Variants in TTC7B observed in about 807,000 individuals in gnomAD.
The protein encoded by TTC7B is tetratricopeptide repeat domain 7B, also known as tetratricopeptide repeat protein 7B.
In TTC7B, 28 loss-of-function variants were observed where a neutral mutation model predicts 106.8. The ratio of observed to expected loss-of-function variants is 0.26; its 90% confidence interval spans 0.19 to 0.36. TTC7B has a LOEUF of 0.36. TTC7B is among the 10% of genes least tolerant of loss of function. TTC7B has a pLI of 1.00. For missense variants in TTC7B, 862 were observed against 1,076.4 expected (o/e 0.80, Z 2.79); for synonymous variants, 405 against 430.6 (o/e 0.94, Z 0.74).
Position 90,652,838 on chromosome 14 carries a change from C to T in TTC7B, c.1517+3G>A. 2 of 1,614,188 alleles carry T rather than the reference C, an allele frequency of 1.2e-6. No individual in the cohort carries two copies. Among genetic ancestry groups the T allele is most frequent in the South Asian group, 2.2e-5 (2 of 91,082 alleles). On this transcript the variant is annotated splice_donor_region_variant and intron_variant, in intron 13 of 19. Transcript: ENST00000328459. ...CCGAGTGAAAAGATGAACTCCCACTCACCTCTGAAATGCAAGAAGCGCCTT... is the reference window on the plus strand; with the variant it reads ...CCGAGTGAAAAGATGAACTCCCACTTACCTCTGAAATGCAAGAAGCGCCTT...
intron 16 of TTC7B, among the ~76,000 whole-genome samples, chr14:90,616,750 G>A (rs1893095821): frequency 6.6e-6 from 1 of 152,110 alleles, no homozygotes; most frequent in Admixed American, 6.5e-5. Flanking sequence ...TCTCTGTTCT[G>A]CTGCCTCCGT....
chr14:90,630,391 G>T (rs1162379881), intron 15 of TTC7B, among the ~76,000 whole-genome samples: 1 of 152,106 alleles, frequency 6.6e-6, no homozygotes, highest in East Asian at 1.9e-4. Context: ...AGAGCAGAAG[G>T]GTCCCTTGTC....
At chr14:90,720,543 T>C (rs1017145314) in intron 5 of TTC7B, among the ~76,000 whole-genome samples, 1 of 152,136 alleles carries the variant, frequency 6.6e-6, no homozygotes, top group African/African-American at 2.4e-5. Context: ...CCACATGGTG[T>C]GTTCCTGCAG....
At chr14:90,618,876 C>G (rs1421785290) in intron 15 of TTC7B, among the ~76,000 whole-genome samples, 1 of 152,210 alleles carries the variant, frequency 6.6e-6, no homozygotes, top group Admixed American at 6.5e-5. Context: ...CTTACCCGCT[C>G]TCACACATCT....
chr14:90,637,491 G>T (rs1486773400), intron 15 of TTC7B, among the ~76,000 whole-genome samples: 1 of 151,902 alleles, frequency 6.6e-6, no homozygotes, highest in Non-Finnish European at 1.5e-5. Context: ...CATGCAAAAA[G>T]AAAAAGTACT....
intron 16 of TTC7B, among the ~76,000 whole-genome samples, chr14:90,615,417 C>T (rs1893029380): frequency 6.6e-6 from 1 of 152,218 alleles, no homozygotes; most frequent in African/African-American, 2.4e-5. Context: ...AGCAAGGAAG[C>T]CGGGAAGTCA....
intron 5 of TTC7B, among the ~76,000 whole-genome samples, chr14:90,701,418 T>A (rs1430813068): frequency 6.6e-6 from 1 of 151,744 alleles, no homozygotes; most frequent in Non-Finnish European, 1.5e-5. Flanking sequence ...GAGAGTGGCT[T>A]CTTGGAGTTC....
At position 90,647,217 on chromosome 14, in the gene TTC7B, G is replaced by C. The variant is rs149770049; in HGVS notation, c.1518-194C>G. ...CATTTCCCTCTTACCACTGTATAAA[G>C]GTACAGAATAGGAGTGCATTTCTGT... On this transcript the variant is annotated intron_variant, in intron 13 of 19. Coordinates refer to ENST00000328459, the MANE Select transcript of TTC7B (RefSeq NM_001010854.2). The C allele has an allele frequency of 1.4e-5, 8 of 571,172 alleles. No homozygotes were observed. The East Asian group carries it at 2.4e-4, about 17-fold the overall frequency. The allele number at this position is 571,172 out of a possible 1,614,324, so 35.4% of individuals were successfully genotyped here.
chr14:90,790,421 C>CA (rs1344504951), intron 1 of TTC7B, among the ~76,000 whole-genome samples: 5 of 151,798 alleles, frequency 3.3e-5, no homozygotes, highest in South Asian at 2.1e-4. Context: ...TTTTAAATTC[C>CA]AAAAAACAAA....
rs2031191491 is a variant in TTC7B, at chr14:90,816,353, G to A, written c.-58C>T. 14 of 925,982 alleles carry A rather than the reference G, an allele frequency of 1.5e-5. No homozygotes were observed. The highest frequency in any genetic ancestry group is 1.8e-5 in the Non-Finnish European group (14 of 779,098). 57.4% of individuals were successfully genotyped at this position (925,982 alleles called of 1,614,324 possible). A position where few individuals can be genotyped will look rare whatever the true frequency, so the allele number is the denominator to read the frequency against. On this transcript the variant is annotated 5_prime_UTR_variant, in exon 1 of 20. Transcript: ENST00000328459. ...CAGGCCCCACCGCCGCCGCCGCGGC[G>A]CCCCCTCGCCGCCTCCCGCCGCCGC... is the stretch of plus-strand genomic sequence containing the variant.
chr14:90,744,688 A>G (rs1889892341), intron 4 of TTC7B, 104 bp downstream of exon 4: 11 of 1,218,382 alleles, frequency 9.0e-6, no homozygotes, highest in Non-Finnish European at 1.3e-5. Flanking sequence ...AGCTTTGCAC[A>G]CAGAGACAGA....
intron 19 of TTC7B, among the ~76,000 whole-genome samples, chr14:90,552,538 A>G (rs1033084288): frequency 6.6e-6 from 1 of 152,142 alleles, no homozygotes; most frequent in Non-Finnish European, 1.5e-5. Flanking sequence ...GCCCACCCCC[A>G]GGCTCTCAGG....
intron 13 of TTC7B, among the ~76,000 whole-genome samples, chr14:90,649,378 G>C (rs976360827): frequency 6.6e-6 from 1 of 152,174 alleles, no homozygotes; most frequent in Non-Finnish European, 1.5e-5. Context: ...TTCCCGTGGA[G>C]CAACTTCAGC....
chr14:90,744,152 T>A (rs1889870957), intron 4 of TTC7B, among the ~76,000 whole-genome samples: 1 of 152,064 alleles, frequency 6.6e-6, no homozygotes, highest in South Asian at 2.1e-4. Flanking sequence ...TGGCACAGAG[T>A]CCATACAAGT....
intron 9 of TTC7B, among the ~76,000 whole-genome samples, chr14:90,667,415 G>A (rs1246684139): frequency 6.6e-6 from 1 of 152,132 alleles, no homozygotes; most frequent in African/African-American, 2.4e-5. Flanking sequence ...CTTGCTTTTA[G>A]AGCCCAAAAG....
In TTC7B at chr14:90,569,231, C is replaced by A. The variant is rs528084784; in HGVS notation, c.2310+8875G>T. Among the ~76,000 whole-genome samples, 303 of 152,284 alleles carry A rather than the reference C, an allele frequency of 2.0e-3. 3 individuals carry two copies. Among genetic ancestry groups the A allele is most frequent in the African/African-American group, 7.0e-3 (290 of 41,556 alleles). On this transcript the variant is annotated intron_variant, in intron 19 of 19. Transcript: ENST00000328459. ...GTGCTGTGGAAAGCAGGGGAGGCTG[C>A]TTTCATCTAGGTTTGGGGTAAGGGT...
chr14:90,706,302 A>G (rs1370093570), intron 5 of TTC7B, among the ~76,000 whole-genome samples: 2 of 151,696 alleles, frequency 1.3e-5, no homozygotes, highest in African/African-American at 4.8e-5. Context: ...AGCTGGGACT[A>G]CAGGCACCTG....
chr14:90,623,601 A>G (rs1413623154), intron 15 of TTC7B, among the ~76,000 whole-genome samples: 1 of 152,240 alleles, frequency 6.6e-6, no homozygotes, highest in Non-Finnish European at 1.5e-5. Flanking sequence ...GACCACTACT[A>G]TTGGGCAGGA....
Position 90,786,256 on chromosome 14 carries a change from C to T in TTC7B, c.194G>A (p.Gly65Glu). 2 of 1,612,176 alleles carry T rather than the reference C, an allele frequency of 1.2e-6. No homozygotes were observed. The highest frequency in any genetic ancestry group is 1.7e-6 in the Non-Finnish European group (2 of 1,179,216). The change falls in exon 2 of 20, where the codon GGG becomes GAG. Residue 65 changes from glycine to glutamate, a missense_variant. Transcript: ENST00000328459. ...GGGCTTGGGGCCTCGGGGACTGGCC[C>T]CCTGCCTCAGGGGGTGTTCCTTCAG... The part of the protein sequence containing the change: ...QYLKEHPLRQ[G>E]ASPRGPKPQL...
Sources: allele counts gnomAD v4.1 joint callset (sites outside exome capture counted in the v4.1 genomes callset), GRCh38; gene constraint gnomAD v4.1.1; transcripts MANE v1.5; gene names NCBI Gene and HGNC (gene_info 2026-07-23, HGNC 2026-07-21).